The following STRA8 variants were observed in gnomAD, a reference collection of about 807,000 sequenced individuals.
STRA8 encodes the protein stimulated by retinoic acid 8, also known as stimulated by retinoic acid gene 8 protein homolog.
STRA8 carries 18 observed loss-of-function variants against 37.1 expected under a neutral mutation model. The observed-to-expected ratio is 0.48, with a 90% confidence interval of 0.34 to 0.72. STRA8 has a LOEUF of 0.72. STRA8 is among the 30% of genes least tolerant of loss of function. STRA8 has a pLI of 0.01. For synonymous variants in STRA8, 168 were observed against 162.9 expected, an observed-to-expected ratio of 1.03 and a Z score of -0.24; for missense variants, 357 against 410.4, an observed-to-expected ratio of 0.87 and a Z score of 1.13.
At chr7:135,240,463 T>C (rs1832444272) in intron 1 of STRA8, 56 bp from the exon 2 acceptor site, 1 of 1,562,484 alleles carries the variant, frequency 6.4e-7, no homozygotes, top group African/African-American at 1.4e-5. Flanking sequence ...CCTTTTCCTT[T>C]AATATTGTAT....
chr7:135,248,001 C>T (rs1832589467), intron 6 of STRA8, among the ~76,000 whole-genome samples: 1 of 152,214 alleles, frequency 6.6e-6, no homozygotes, highest in Non-Finnish European at 1.5e-5. Context: ...TGATACAGGC[C>T]ACCCCCTTGC....
upstream of STRA8, among the ~76,000 whole-genome samples, chr7:135,232,533 C>G (rs904197571): frequency 1.3e-5 from 2 of 152,038 alleles, no homozygotes; most frequent in African/African-American, 4.8e-5. Flanking sequence ...GTCCCGGCTA[C>G]TCAGGAGGCT....
chr7:135,234,991 C>T (rs1457129076), intron 1 of STRA8, among the ~76,000 whole-genome samples: 1 of 152,174 alleles, frequency 6.6e-6, no homozygotes, highest in Admixed American at 6.5e-5. Context: ...ATCCTCCCAA[C>T]TCAGCCTCCT....
intron 1 of STRA8, among the ~76,000 whole-genome samples, chr7:135,240,036 G>A (rs718870): frequency 0.4 from 61,369 of 151,732 alleles, 12,817 homozygotes; most frequent in South Asian, 0.55. Flanking sequence ...CTCACAGTGG[G>A]GACAAGTACC....
intron 6 of STRA8, among the ~76,000 whole-genome samples, chr7:135,249,549 A>T (rs1003227380): frequency 6.6e-6 from 1 of 152,138 alleles, no homozygotes; most frequent in African/African-American, 2.4e-5. Context: ...ACACCATTGC[A>T]CTCCAGCCTG....
chr7:135,245,351 G>T lies in STRA8; in HGVS notation c.417G>T (p.Arg139Ser), dbSNP rs148789684. 892 of 780,866 alleles carry T rather than the reference G, an allele frequency of 1.1e-3. 16 individuals carry two copies. In the East Asian group the frequency reaches 0.021, roughly 19 times the overall value. 48.4% of individuals were successfully genotyped at this position (780,866 alleles called of 1,614,324 possible). Residue 139 changes from arginine to serine, a missense_variant, in exon 5 of 9, where the codon AGG becomes AGT. Coordinates refer to ENST00000662584, the MANE Select transcript of STRA8 (RefSeq NM_001394401.1). ...CTTGGTGCCCAACTGAGGCAGTCAGGAAGGATGCTGAGGAGGAGGAAGATG... is the reference window on the plus strand; with the variant it reads ...CTTGGTGCCCAACTGAGGCAGTCAGTAAGGATGCTGAGGAGGAGGAAGATG... ...SSPWCPTEAVRKDAEEEEDEE... is the reference protein window; with the variant it reads ...SSPWCPTEAVSKDAEEEEDEE...
At chr7:135,255,811 T>C (rs988577724) in intron 8 of STRA8, among the ~76,000 whole-genome samples, 6 of 152,234 alleles carry the variant, frequency 3.9e-5, no homozygotes, top group Non-Finnish European at 7.3e-5. Flanking sequence ...AGACCTTGAC[T>C]GGGAGCCCTT....
rs569442191 is a variant in STRA8 at position 135,238,557 on chromosome 7, T to G, written c.-6-1962T>G. On this transcript the variant is annotated intron_variant, in intron 1 of 8. Coordinates refer to ENST00000662584, the MANE Select transcript of STRA8 (RefSeq NM_001394401.1). ...TAGTATCCTGAGACTGTTAGAGAACTTGAGGTCCTGGGAGGACCCTGTTAT... is the reference window on the plus strand; with the variant it reads ...TAGTATCCTGAGACTGTTAGAGAACGTGAGGTCCTGGGAGGACCCTGTTAT... 8.5e-5 allele frequency among the ~76,000 whole-genome samples: 13 copies of G among 152,324 alleles called. No individual in the cohort carries two copies. The East Asian group carries it at 2.3e-3, about 27-fold the overall frequency.
upstream of STRA8, among the ~76,000 whole-genome samples, chr7:135,232,528 G>A (rs1044798075): frequency 6.6e-6 from 1 of 151,838 alleles, no homozygotes; most frequent in Non-Finnish European, 1.5e-5. Context: ...CTGTAGTCCC[G>A]GCTACTCAGG....
chr7:135,252,953 AAGAC>A (rs1202439563), intron 7 of STRA8, among the ~76,000 whole-genome samples: 4 of 151,502 alleles, frequency 2.6e-5, no homozygotes, highest in Non-Finnish European at 4.4e-5. Flanking sequence ...TTTTTTTTCT[AAGAC>A]AGAGTCTCAC....
intron 1 of STRA8, among the ~76,000 whole-genome samples, chr7:135,236,601 C>T (rs987042975): frequency 2.6e-5 from 4 of 152,110 alleles, no homozygotes; most frequent in African/African-American, 9.7e-5. Context: ...GCTTCTTCAC[C>T]CTATATAATC....
intron 8 of STRA8, among the ~76,000 whole-genome samples, chr7:135,257,752 T>C (rs1212541467): frequency 1.3e-5 from 2 of 152,146 alleles, no homozygotes; most frequent in Non-Finnish European, 2.9e-5. Flanking sequence ...TAAAAAAATA[T>C]CATCTCCTAA....
intron 6 of STRA8, 140 bp from the exon 7 acceptor site, chr7:135,251,656 T>C (rs1832635819): frequency 6.5e-6 from 5 of 767,712 alleles, no homozygotes; most frequent in African/African-American, 1.7e-5. Context: ...CCCCTGGGTG[T>C]GGGCCCCAGC....
intron 8 of STRA8, among the ~76,000 whole-genome samples, chr7:135,256,662 G>A (rs984088882): frequency 2.0e-5 from 3 of 152,132 alleles, no homozygotes; most frequent in Admixed American, 1.3e-4. Flanking sequence ...AAAATTAGCT[G>A]GGTGTGGTGG....
Position 135,243,314 on chromosome 7 carries a change from A to T in STRA8, c.269-12A>T. ...TTTCTCTTTGTGTTCCTGGTCTTCA[A>T]CTCCCCAATAGCATCCTTCAACCTG... On this transcript the variant is annotated splice_polypyrimidine_tract_variant and intron_variant, in intron 3 of 8. Transcript: ENST00000662584. The T allele has an allele frequency of 6.2e-7, 1 of 1,613,872 alleles. No individual in the cohort carries two copies. The highest frequency in any genetic ancestry group is 8.5e-7 in the Non-Finnish European group (1 of 1,179,870).
intron 1 of STRA8, among the ~76,000 whole-genome samples, chr7:135,236,602 C>G (rs1030633905): frequency 2.9e-4 from 44 of 152,190 alleles, no homozygotes; most frequent in Non-Finnish European, 5.9e-5. Context: ...CTTCTTCACC[C>G]TATATAATCT....
intron 2 of STRA8, among the ~76,000 whole-genome samples, chr7:135,241,581 G>A (rs752726585): frequency 6.6e-6 from 1 of 152,180 alleles, no homozygotes; most frequent in African/African-American, 2.4e-5. Context: ...CTGCCTTTGG[G>A]ATTCTGTGCA....
intron 4 of STRA8, among the ~76,000 whole-genome samples, chr7:135,244,618 C>T (rs1326114267): frequency 6.6e-6 from 1 of 152,176 alleles, no homozygotes; most frequent in Non-Finnish European, 1.5e-5. Context: ...CAATTTCCAA[C>T]TGTTCATTGC....
rs944681599 is a variant in STRA8 at position 135,246,240 on chromosome 7, C to T, written c.594-177C>T. On this transcript the variant is annotated intron_variant, in intron 5 of 8. Coordinates refer to ENST00000662584, the MANE Select transcript of STRA8 (RefSeq NM_001394401.1). This position sits in a 1 kb window ranked among gnomAD's most constrained non-coding sequence, Gnocchi z 5.4. ...CCCAAGTCTATGTCCTTCATGGCCC[C>T]CAGGAAGGCTGCTGCTCTCCAAGGG... 8 of 831,900 alleles carry T rather than the reference C, an allele frequency of 9.6e-6. No homozygotes were observed. The African/African-American group carries it at 1.2e-4, about 13-fold the overall frequency. 51.5% of individuals were successfully genotyped at this position (831,900 alleles called of 1,614,324 possible).
Sources: gnomAD v4.1 joint callset for allele counts (sites outside exome capture counted in the v4.1 genomes callset) on GRCh38, gnomAD v4.1.1 for gene constraint, Gnocchi (gnomAD v3.1) non-coding constraint, MANE v1.5 for transcripts, NCBI Gene and HGNC (gene_info 2026-07-23, HGNC 2026-07-21) for gene names.